The following PDE1C variants were observed in gnomAD, a reference collection of about 807,000 sequenced individuals.
PDE1C encodes dual specificity calcium/calmodulin-dependent 3',5'-cyclic nucleotide phosphodiesterase 1C.
A neutral mutation model predicts 93.1 loss-of-function variants in PDE1C; 62 were observed. The ratio of observed to expected loss-of-function variants is 0.67; its 90% CI spans 0.54 to 0.82. PDE1C has a LOEUF of 0.82. Among genes scored for constraint, PDE1C ranks in the 40% least tolerant of loss-of-function variants. The pLI is 0.00. For synonymous variants in PDE1C, 325 were observed against 310.1 expected, an observed-to-expected ratio of 1.05 and a Z score of -0.50; for missense variants, 742 against 884.6, an observed-to-expected ratio of 0.84 and a Z score of 2.04.
At chr7:32,232,391 G>C (rs1312767257) in intron 1 of PDE1C, among the ~76,000 whole-genome samples, 1 of 152,064 alleles carries the variant, frequency 6.6e-6, no homozygotes, top group Non-Finnish European at 1.5e-5. Flanking sequence ...AATCCCCTAA[G>C]ATACTGAAAA....
At chr7:31,620,967 C>T in the PDE1C span, among the ~76,000 whole-genome samples, 1 of 151,854 alleles carries the variant, frequency 6.6e-6, no homozygotes, top group Non-Finnish European at 1.5e-5. Context: ...AATGCAGAAG[C>T]CTCAGGAGCC....
intron 1 of PDE1C, among the ~76,000 whole-genome samples, chr7:32,380,404 ATTTTT>A (rs55965828): frequency 7.3e-6 from 1 of 137,260 alleles, no homozygotes; most frequent in Non-Finnish European, 1.5e-5. Flanking sequence ...TGCCCGGCTA[ATTTTT>A]TTTTTTTTTT....
At chr7:32,064,579 T>C (rs1795167489) in intron 1 of PDE1C, among the ~76,000 whole-genome samples, 1 of 152,122 alleles carries the variant, frequency 6.6e-6, no homozygotes, top group South Asian at 2.1e-4. Flanking sequence ...AGAATTACAA[T>C]CCTAAAATTC....
intron 3 of PDE1C, among the ~76,000 whole-genome samples, chr7:32,138,237 A>G (rs1297417205): frequency 1.3e-5 from 2 of 152,334 alleles, no homozygotes; most frequent in Non-Finnish European, 1.5e-5. Flanking sequence ...TATTAAAAAA[A>G]TTTATCCCAA....
chr7:31,939,221 A>AC, intron 2 of PDE1C, among the ~76,000 whole-genome samples: 1 of 149,620 alleles, frequency 6.7e-6, no homozygotes, highest in East Asian at 1.9e-4. Flanking sequence ...AGAGAGACAG[A>AC]AGAAGAAGAA....
chr7:31,774,010 T>C (rs6947644), intron 17 of PDE1C, among the ~76,000 whole-genome samples: 37,676 of 152,132 alleles, frequency 0.25, 4,974 homozygotes, highest in Admixed American at 0.32. Context: ...ATTCGGCGGA[T>C]GTGGAGTCCA....
intron 2 of PDE1C, among the ~76,000 whole-genome samples, chr7:32,041,982 G>C (rs1355425862): frequency 6.6e-6 from 1 of 152,126 alleles, no homozygotes; most frequent in African/African-American, 2.4e-5. Flanking sequence ...GAAAAAAAAA[G>C]GAGGGGCTCC....
At chr7:32,183,962 A>G (rs1178817081) in intron 2 of PDE1C, among the ~76,000 whole-genome samples, 1 of 152,190 alleles carries the variant, frequency 6.6e-6, no homozygotes. Context: ...CAAGAAAAAA[A>G]CAACCCCATC....
intron 2 of PDE1C, among the ~76,000 whole-genome samples, chr7:31,951,411 G>A (rs1323255976): frequency 6.6e-6 from 1 of 152,184 alleles, no homozygotes; most frequent in Non-Finnish European, 1.5e-5. Context: ...CTGGCTCCTG[G>A]CTTCGGCCCT....
chr7:32,317,934 G>C (rs555743181), intron 1 of PDE1C, among the ~76,000 whole-genome samples: 1 of 152,048 alleles, frequency 6.6e-6, no homozygotes, highest in Non-Finnish European at 1.5e-5. Context: ...ACTTTCATAC[G>C]TTATCTCATT....
the PDE1C span, among the ~76,000 whole-genome samples, chr7:31,648,214 C>G: frequency 6.6e-6 from 1 of 151,984 alleles, no homozygotes; most frequent in African/African-American, 2.4e-5. Flanking sequence ...AATTCATTGT[C>G]TTTTGGTGAT....
At chr7:32,392,554 A>G (rs906749181) in intron 1 of PDE1C, among the ~76,000 whole-genome samples, 2 of 152,174 alleles carry the variant, frequency 1.3e-5, no homozygotes, top group Non-Finnish European at 2.9e-5. Flanking sequence ...AATACTAGCA[A>G]ATGGAATCTA....
At chr7:31,884,956 A>C (rs1797698565) in intron 2 of PDE1C, among the ~76,000 whole-genome samples, 1 of 152,226 alleles carries the variant, frequency 6.6e-6, no homozygotes, top group Non-Finnish European at 1.5e-5. Flanking sequence ...GGAAAAGACT[A>C]GCTGAGGCCA....
intron 2 of PDE1C, among the ~76,000 whole-genome samples, chr7:31,934,956 A>G (rs1044086449): frequency 3.9e-5 from 6 of 152,222 alleles, no homozygotes; most frequent in African/African-American, 1.4e-4. Context: ...TTATGTTCCA[A>G]TTTCATTTTA....
chr7:31,983,020 C>T (rs1183203659), intron 2 of PDE1C, among the ~76,000 whole-genome samples: 1 of 152,178 alleles, frequency 6.6e-6, no homozygotes, highest in Non-Finnish European at 1.5e-5. Flanking sequence ...CTGGTACAGA[C>T]TTAAAATCGT....
At chr7:31,624,796 T>C in the PDE1C span, among the ~76,000 whole-genome samples, 1 of 151,968 alleles carries the variant, frequency 6.6e-6, no homozygotes, top group Non-Finnish European at 1.5e-5. Flanking sequence ...CTAAAGAGCT[T>C]CTGCACAGCA....
At chr7:32,038,433 C>T (rs1433713401) in intron 2 of PDE1C, among the ~76,000 whole-genome samples, 5 of 152,090 alleles carry the variant, frequency 3.3e-5, no homozygotes, top group African/African-American at 1.2e-4. Context: ...GGAGGGCAGG[C>T]ATTATATTAA....
intron 11 of PDE1C, among the ~76,000 whole-genome samples, chr7:31,836,212 C>A (rs2128762943): frequency 6.6e-6 from 1 of 152,328 alleles, no homozygotes; most frequent in East Asian, 1.9e-4. Context: ...ATAAGGTTAG[C>A]ACATGTGCCT....
chr7:32,286,044 T>C (rs1385219811), intron 1 of PDE1C, among the ~76,000 whole-genome samples: 5 of 152,156 alleles, frequency 3.3e-5, no homozygotes, highest in African/African-American at 7.2e-5. Context: ...GGGAGGTCAG[T>C]AGGCACTAAC....
Sources: gnomAD v4.1 joint callset for allele counts (sites outside exome capture counted in the v4.1 genomes callset) on GRCh38, gnomAD v4.1.1 for gene constraint, MANE v1.5 for transcripts, NCBI Gene and HGNC (gene_info 2026-07-23, HGNC 2026-07-21) for gene names.